Variants in WRN observed in about 807,000 individuals in gnomAD.
WRN encodes bifunctional 3'-5' exonuclease/ATP-dependent helicase WRN.
WRN carries 149 observed loss-of-function variants against 180.7 expected under a neutral mutation model. The observed-to-expected ratio is 0.82, with a 90% CI of 0.72 to 0.94. The LOEUF is 0.94. Ranked by LOEUF, WRN falls within the 40% of genes least tolerant of loss-of-function variation. The pLI, the probability that WRN is intolerant of heterozygous loss-of-function variation, is 0.00. For missense variants in WRN, 1,661 were observed against 1,700.1 expected, an observed-to-expected ratio of 0.98 and a Z score of 0.40; for synonymous variants, 548 against 568.9, an observed-to-expected ratio of 0.96 and a Z score of 0.52.
chr8:31,066,756 G>C (rs538161937), intron 5 of WRN, among the ~76,000 whole-genome samples: 10 of 152,030 alleles, frequency 6.6e-5, no homozygotes, highest in South Asian at 4.2e-4. Flanking sequence ...CATTTGGCTG[G>C]GAGGTAGAAA....
At chr8:31,097,882 A>T (rs1459370124) in intron 17 of WRN, among the ~76,000 whole-genome samples, 2 of 152,164 alleles carry the variant, frequency 1.3e-5, no homozygotes, top group Non-Finnish European at 2.9e-5. Flanking sequence ...CAGTTGGCCT[A>T]ACCAAATTTA....
intron 34 of WRN, 96 bp from the exon 35 acceptor site, chr8:31,172,899 G>C: frequency 2.0e-6 from 2 of 980,284 alleles, no homozygotes; most frequent in South Asian, 1.4e-5. Flanking sequence ...GAGAAAGGAT[G>C]GGTGTGTATT....
Position 31,107,760 on chromosome 8 carries a change from A to G in WRN, c.2089-3855A>G, listed in dbSNP as rs117348180. ...TAAGCTGTTTGGCACAAAGATTCCTATTTGGAAGGAATCAGACAAAGTGAG... is the reference window on the plus strand; with the variant it reads ...TAAGCTGTTTGGCACAAAGATTCCTGTTTGGAAGGAATCAGACAAAGTGAG... On this transcript the variant is annotated intron_variant, in intron 18 of 34. Transcript: ENST00000298139. Among the ~76,000 whole-genome samples, 1,052 of 152,356 alleles carry G rather than the reference A, an allele frequency of 6.9e-3. 11 individuals carry two copies. Among genetic ancestry groups the G allele is most frequent in the Middle Eastern group, 0.024 (7 of 294 alleles).
rs1804168241 is a variant in WRN at position 31,173,175 on chromosome 8, T to A, written c.*73T>A. 4.3e-6 allele frequency: 6 copies of A among 1,386,670 alleles called. No individual in the cohort carries two copies. The East Asian group carries it at 9.6e-5, about 22-fold the overall frequency. 85.9% of individuals were successfully genotyped at this position (1,386,670 alleles called of 1,614,324 possible). A position where few individuals can be genotyped will look rare whatever the true frequency, so the allele number is the denominator to read the frequency against. ...ATAGCTATATTTTATTTCTGAAGAG[T>A]AAGGAGTAGTATTTTGGCTTAAAAA... On this transcript the variant is annotated 3_prime_UTR_variant, in exon 35 of 35. Transcript: ENST00000298139.
chr8:31,097,496 A>G (rs1242616717), intron 17 of WRN, among the ~76,000 whole-genome samples: 3 of 152,222 alleles, frequency 2.0e-5, no homozygotes. Context: ...AAAAACTTAG[A>G]TAAGTCACAG....
intron 5 of WRN, 111 bp downstream of exon 5, chr8:31,065,174 T>G: frequency 1.8e-6 from 2 of 1,106,146 alleles, no homozygotes; most frequent in Non-Finnish European, 2.6e-6. Context: ...TTATATAATG[T>G]TTTTGTAGCA....
intron 24 of WRN, among the ~76,000 whole-genome samples, chr8:31,138,132 A>G (rs1008493989): frequency 6.6e-6 from 1 of 151,960 alleles, no homozygotes; most frequent in African/African-American, 2.4e-5. Context: ...AGTTATCTGG[A>G]GGCCTGTGTT....
intron 1 of WRN, among the ~76,000 whole-genome samples, chr8:31,047,710 A>G (rs909826874): frequency 1.3e-5 from 2 of 152,224 alleles, no homozygotes; most frequent in Non-Finnish European, 2.9e-5. Flanking sequence ...AAAAGGAAAA[A>G]TAGACAACCT....
Position 31,100,954 on chromosome 8 carries a change from T to G in WRN, c.2087T>G (p.Met696Arg), listed in dbSNP as rs1246267919. ...GGCTCCCTAAAGACAGCACTGCCAA[T>G]GGTAAGCTTTGCCAAGTCTGATGTC... ...KLGSLKTALP[M>R]VPIVALTATA... is the part of the protein sequence containing the mutation. The change falls in exon 18 of 35, where the codon ATG becomes AGG. Residue 696 changes from methionine (M) to arginine (R), a missense_variant and splice_region_variant. Coordinates refer to ENST00000298139, the MANE Select transcript of WRN (RefSeq NM_000553.6). 1.2e-6 allele frequency: 2 copies of G among 1,612,910 alleles called. No homozygotes were observed. The highest frequency in any genetic ancestry group is 1.7e-5 in the Admixed American group (1 of 59,970).
At chr8:31,101,396 T>C (rs759600453) in intron 18 of WRN, among the ~76,000 whole-genome samples, 3 of 152,228 alleles carry the variant, frequency 2.0e-5, no homozygotes, top group African/African-American at 4.8e-5. Context: ...TTACCCCTTC[T>C]TGTATCACAT....
chr8:31,134,099 A>C (rs1024243002), intron 24 of WRN, among the ~76,000 whole-genome samples: 7 of 152,226 alleles, frequency 4.6e-5, no homozygotes, highest in African/African-American at 1.7e-4. Context: ...AGTACCACTT[A>C]ATGAAAATCT....
At chr8:31,124,409 G>C in intron 21 of WRN, 113 bp from the exon 22 acceptor site, 1 of 772,226 alleles carries the variant, frequency 1.3e-6, no homozygotes, top group Non-Finnish European at 2.1e-6. Flanking sequence ...TTATCTTGAT[G>C]GGGTGTGGGT....
At position 31,175,674 on chromosome 8, in the gene WRN, CGTGCCT is replaced by C. The variant is rs1259582811; in HGVS notation, c.*2577_*2582del. 6.6e-6 allele frequency among the ~76,000 whole-genome samples: 1 copy of C among 152,154 alleles called. No homozygotes were observed. The highest frequency in any genetic ancestry group is 1.5e-5 in the Non-Finnish European group (1 of 68,024). ...AAAATACTCTTCTCTTTTCCAACTA[CGTGCCT>C]GTGCAAAGTCAGATTTTTTTCATAT... On this transcript the variant is annotated 3_prime_UTR_variant, in exon 35 of 35. Transcript: ENST00000298139.
chr8:31,105,555 G>A (rs188477231), intron 18 of WRN, among the ~76,000 whole-genome samples: 4 of 152,174 alleles, frequency 2.6e-5, no homozygotes, highest in Non-Finnish European at 4.4e-5. Flanking sequence ...TCTGCCTCCC[G>A]GGTTCAAGTG....
At chr8:31,078,055 C>T (rs2130104295) in intron 8 of WRN, among the ~76,000 whole-genome samples, 1 of 152,300 alleles carries the variant, frequency 6.6e-6, no homozygotes. Flanking sequence ...GCAGTTTCAG[C>T]AGCTAGGCTT....
Position 31,147,116 on chromosome 8 carries a change from G to A in WRN, c.3447G>A (p.Glu1149=), listed in dbSNP as rs2130439210. The change falls in exon 29 of 35, where the codon GAG becomes GAA. Residue 1149 remains glutamate (E), a synonymous_variant. Transcript: ENST00000298139. ...SSSQPVISAQ[E]QETQIVLYGK... ...CACAGCCTGTTATTTCGGCACAAGA[G>A]CAGGAGACTCAGGTAAGGCTTTTGT... The A allele has an allele frequency of 6.2e-7, 1 of 1,613,842 alleles. No homozygotes were observed. Among genetic ancestry groups the A allele is most frequent in the Non-Finnish European group, 8.5e-7 (1 of 1,179,826 alleles).
chr8:31,043,527 A>G (rs554085141), intron 1 of WRN, among the ~76,000 whole-genome samples: 7 of 152,274 alleles, frequency 4.6e-5, no homozygotes, highest in Admixed American at 6.5e-5. Flanking sequence ...TGCTGTACAC[A>G]ATGGATCATT....
chr8:31,062,668 C>A (rs1812531893), intron 3 of WRN, among the ~76,000 whole-genome samples: 1 of 151,894 alleles, frequency 6.6e-6, no homozygotes, highest in Admixed American at 6.6e-5. Flanking sequence ...CTGCCTTGGC[C>A]CCCCAAAGTG....
intron 7 of WRN, among the ~76,000 whole-genome samples, chr8:31,074,027 C>T (rs1813008404): frequency 1.3e-5 from 2 of 151,966 alleles, no homozygotes; most frequent in Admixed American, 1.3e-4. Context: ...CACTATTCTC[C>T]TGCCTCAGCC....
Sources: allele counts gnomAD v4.1 joint callset (sites outside exome capture counted in the v4.1 genomes callset), GRCh38; gene constraint gnomAD v4.1.1; transcripts MANE v1.5; gene names NCBI Gene and HGNC (gene_info 2026-07-23, HGNC 2026-07-21).